The following LGI1 variants were observed in gnomAD, a reference collection of about 807,000 sequenced individuals.
LGI1 encodes the protein leucine rich glioma inactivated 1, also known as leucine-rich glioma-inactivated protein 1.
LGI1 carries 11 observed loss-of-function variants against 57.7 expected under a neutral mutation model. That is an observed-to-expected ratio of 0.19 (90% CI 0.12 to 0.32). The LOEUF (loss-of-function observed/expected upper bound fraction) is 0.32. Among genes scored for constraint, LGI1 ranks in the 10% least tolerant of loss-of-function variants. The probability of loss-of-function intolerance (pLI) is 1.00; values close to 1 mark genes in which losing one functional copy is unlikely to be tolerated. For synonymous variants in LGI1, 222 were observed against 241.9 expected (o/e 0.92, Z 0.76); for missense variants, 422 against 661.9 (o/e 0.64, Z 3.98).
rs12250159 is a variant in LGI1 at position 93,761,093 on chromosome 10, G to A, written c.287+2262G>A. 5.0e-3 allele frequency among the ~76,000 whole-genome samples: 756 copies of A among 152,222 alleles called. 3 individuals are homozygous for A. The highest frequency in any genetic ancestry group is 0.017 in the African/African-American group (712 of 41,536). ...CTAATAAACTCATGTGCGGTGTGTA[G>A]GAAATATATGAGAAGGCTCTGAATA... On this transcript the variant is annotated intron_variant, in intron 2 of 7. Coordinates refer to ENST00000371418, the MANE Select transcript of LGI1 (RefSeq NM_005097.4).
chr10:93,779,880 C>T (rs964663079), intron 4 of LGI1, among the ~76,000 whole-genome samples: 2 of 152,194 alleles, frequency 1.3e-5, no homozygotes, highest in African/African-American at 4.8e-5. Flanking sequence ...GGGGTTAAGG[C>T]TGTGGCTAAA....
At chr10:93,761,283 G>T (rs1327716267) in intron 2 of LGI1, among the ~76,000 whole-genome samples, 2 of 152,126 alleles carry the variant, frequency 1.3e-5, no homozygotes, top group African/African-American at 4.8e-5. Flanking sequence ...ATTAGGCCTA[G>T]ATCACACAAG....
At chr10:93,782,715 T>G (rs970849239) in intron 4 of LGI1, 19 of 152,220 alleles carry the variant, frequency 1.2e-4, no homozygotes. Flanking sequence ...TCTATGAAAT[T>G]AAAGTAACTG....
chr10:93,759,351 C>G (rs1029169852), intron 2 of LGI1: 6 of 164,070 alleles, frequency 3.7e-5, no homozygotes, highest in African/African-American at 1.4e-4. Context: ...TAATTTATAA[C>G]TAGTTCCATT....
intron 5 of LGI1, 146 bp from the exon 6 acceptor site, chr10:93,792,597 A>C: frequency 1.3e-6 from 1 of 783,526 alleles, no homozygotes; most frequent in Non-Finnish European, 2.3e-6. Context: ...AAAGTGAATG[A>C]GTGGTCAGTC....
chr10:93,766,350 T>C (rs1211955115), intron 2 of LGI1, among the ~76,000 whole-genome samples: 4 of 152,126 alleles, frequency 2.6e-5, no homozygotes, highest in African/African-American at 9.7e-5. Context: ...CAGAGGGCCA[T>C]AGATTTTGCC....
chr10:93,777,873 A>C (rs2134001791), intron 4 of LGI1, among the ~76,000 whole-genome samples: 1 of 152,340 alleles, frequency 6.6e-6, no homozygotes, highest in East Asian at 1.9e-4. Context: ...TGTGCCTGAA[A>C]TAACTTCTTT....
chr10:93,765,997 A>G (rs2059672952), intron 2 of LGI1, among the ~76,000 whole-genome samples: 1 of 151,122 alleles, frequency 6.6e-6, no homozygotes, highest in East Asian at 1.9e-4. Context: ...AAAGAAATGG[A>G]CAAAGATTAT....
intron 2 of LGI1, chr10:93,763,942 T>C (rs1230375685): frequency 6.6e-6 from 1 of 152,218 alleles, no homozygotes; most frequent in African/African-American, 2.4e-5. Context: ...GCATTATTAA[T>C]ATGAAAAGAA....
chr10:93,790,372 A>G, intron 5 of LGI1: 1 of 572,818 alleles, frequency 1.7e-6, no homozygotes, highest in Non-Finnish European at 3.0e-6. Flanking sequence ...GGAATTCTGA[A>G]TACATGGCAC....
chr10:93,759,134 T>G (rs1403458775), intron 2 of LGI1: 1 of 396,988 alleles, frequency 2.5e-6, no homozygotes, highest in East Asian at 5.8e-5. Flanking sequence ...ATTTTTAACT[T>G]GGGAACTTGG....
At chr10:93,795,714 C>T (rs1284482316) in intron 7 of LGI1, among the ~76,000 whole-genome samples, 2 of 152,198 alleles carry the variant, frequency 1.3e-5, no homozygotes, top group Non-Finnish European at 2.9e-5. Context: ...CAACACAGTT[C>T]CCCAGACAAT....
Position 93,798,026 on chromosome 10 carries a change from G to A in LGI1, c.*223G>A. The A allele has an allele frequency of 1.7e-6, 1 of 583,594 alleles. No homozygotes were observed. Among genetic ancestry groups the A allele is most frequent in the Non-Finnish European group, 3.1e-6 (1 of 327,520 alleles). The allele number at this position is 583,594 out of a possible 1,614,324, so 36.2% of individuals were successfully genotyped here. On this transcript the variant is annotated 3_prime_UTR_variant, in exon 8 of 8. Transcript: ENST00000371418. ...AAATTTAATTGTGTAACTGTTCTTT[G>A]CAGTGAAGATGTGTAAATAAGCGTT...
chr10:93,762,441 A>G (rs1423327714), intron 2 of LGI1: 2 of 152,232 alleles, frequency 1.3e-5, no homozygotes, highest in South Asian at 2.1e-4. Flanking sequence ...CCTTCAAAAT[A>G]TGATCTGTCC....
chr10:93,762,265 C>A (rs923497829), intron 2 of LGI1, among the ~76,000 whole-genome samples: 1 of 152,172 alleles, frequency 6.6e-6, no homozygotes, highest in Non-Finnish European at 1.5e-5. Context: ...CAGAATTGAT[C>A]TTTCAGGGTC....
chr10:93,780,092 A>C (rs767656926), intron 4 of LGI1, among the ~76,000 whole-genome samples: 2 of 152,186 alleles, frequency 1.3e-5, no homozygotes, highest in African/African-American at 2.4e-5. Context: ...CACCTTAGAG[A>C]AGCTCAGGCT....
At chr10:93,781,992 G>C (rs920228750) in intron 4 of LGI1, among the ~76,000 whole-genome samples, 6 of 152,218 alleles carry the variant, frequency 3.9e-5, no homozygotes, top group Admixed American at 2.6e-4. Flanking sequence ...TTCCCAATCA[G>C]TTGCACAGGA....
chr10:93,789,137 G>A (rs1016211278), intron 4 of LGI1: 9 of 151,246 alleles, frequency 6.0e-5, no homozygotes, highest in Admixed American at 1.3e-4. Context: ...AGTGATTTAC[G>A]GAAGAACAAA....
chr10:93,759,196 A>T (rs1053717116), intron 2 of LGI1: 4 of 287,132 alleles, frequency 1.4e-5, no homozygotes, highest in African/African-American at 9.0e-5. Context: ...CCAGCATAAC[A>T]TATGCGCTCA....
Sources: allele counts gnomAD v4.1 joint callset (sites outside exome capture counted in the v4.1 genomes callset), GRCh38; gene constraint gnomAD v4.1.1; transcripts MANE v1.5; gene names NCBI Gene and HGNC (gene_info 2026-07-23, HGNC 2026-07-21).